The following TSHZ3 variants were observed in gnomAD, a reference collection of about 807,000 sequenced individuals.
The protein encoded by TSHZ3 is teashirt homolog 3.
A neutral mutation model predicts 64.5 loss-of-function variants in TSHZ3; 10 were observed. The ratio of observed to expected loss-of-function variants is 0.16; its 90% CI spans 0.10 to 0.26. The LOEUF is 0.26. TSHZ3 is among the 10% of genes least tolerant of loss of function. The pLI is 1.00. For synonymous variants in TSHZ3, 608 were observed against 593.1 expected, an observed-to-expected ratio of 1.03 and a Z score of -0.36; for missense variants, 1,242 against 1,421.7, an observed-to-expected ratio of 0.87 and a Z score of 2.03.
At chr19:31,184,718 T>C (rs1364169347) in intron 5 of TSHZ3, among the ~76,000 whole-genome samples, 1 of 152,170 alleles carries the variant, frequency 6.6e-6, no homozygotes, top group Non-Finnish European at 1.5e-5. Flanking sequence ...CTGATTAGAT[T>C]AGAGGTATTT....
intron 5 of TSHZ3, among the ~76,000 whole-genome samples, chr19:31,168,932 C>T (rs971703697): frequency 2.6e-4 from 40 of 152,236 alleles, no homozygotes; most frequent in African/African-American, 9.6e-4. Flanking sequence ...CCATGCAAGT[C>T]TCCACTATTT....
intron 4 of TSHZ3, among the ~76,000 whole-genome samples, chr19:31,208,190 G>A (rs1404225611): frequency 2.0e-5 from 3 of 152,206 alleles, no homozygotes; most frequent in Non-Finnish European, 4.4e-5. Context: ...AGGAGGATAT[G>A]AATTGGTTTA....
chr19:31,238,535 C>A (rs911868006), intron 3 of TSHZ3, among the ~76,000 whole-genome samples: 1 of 152,162 alleles, frequency 6.6e-6, no homozygotes. Context: ...GGATTACAGG[C>A]GTGAGCCATT....
Position 31,276,691 on chromosome 19 carries a change from C to T in TSHZ3, c.3102G>A (p.Glu1034=). 1 of 1,613,824 alleles carries T rather than the reference C, an allele frequency of 6.2e-7. No homozygotes were observed. Among genetic ancestry groups the T allele is most frequent in the Non-Finnish European group, 8.5e-7 (1 of 1,179,736 alleles). The change falls in exon 2 of 2, where the codon GAG becomes GAA. Residue 1034 remains glutamate (E), a synonymous_variant. Transcript: ENST00000240587. ...PSEKMVTSSP[E]EDLGTSYQCK... is the part of the protein sequence containing the mutation. ...ACTGATAGGAAGTCCCCAGGTCTTC[C>T]TCGGGGGAGGACGTCACCATTTTTT...
rs2145193152 is a variant in TSHZ3 at position 31,253,436 on chromosome 19, C to T, written n.64-10561G>A. ...AATGGCTGAACGCCCAAAGTTGCAT[C>T]TCAACTGTGTGCCCCTCCACAGGGG... On this transcript the variant is annotated intron_variant and non_coding_transcript_variant, in intron 1 of 6. Transcript: ENST00000651361. Among the ~76,000 whole-genome samples, 2 of 152,280 alleles carry T rather than the reference C, an allele frequency of 1.3e-5. 1 individual carries two copies. The highest frequency in any genetic ancestry group is 3.9e-4 in the East Asian group (2 of 5,180).
At chr19:31,272,173 C>T (rs1224113862), downstream of TSHZ3, among the ~76,000 whole-genome samples, 4 of 152,204 alleles carry the variant, frequency 2.6e-5, no homozygotes, top group Admixed American at 2.6e-4. Context: ...TCCTGTCTCT[C>T]TGCCACTCAC....
At chr19:31,349,447 G>T, upstream of TSHZ3, 1 of 396,776 alleles carries the variant, frequency 2.5e-6, no homozygotes, top group Non-Finnish European at 4.4e-6. Context: ...GAGGGCGGGC[G>T]AGGGAGGCTC....
Position 31,279,556 on chromosome 19 carries a change from ACTGATG to A in TSHZ3, c.231_236del (p.Ile78_Ser79del). On this transcript the variant is annotated inframe_deletion, in exon 2 of 2. Coordinates refer to ENST00000240587, the MANE Select transcript of TSHZ3 (RefSeq NM_020856.4). This position sits in a 1 kb window ranked among gnomAD's most constrained non-coding sequence, Gnocchi z 6.4. ...AGTCAGCCATTCGGTCACTGGTCTC[ACTGATG>A]TGTGACTCGCTGTCCATTTCATGGC... 6.2e-7 allele frequency: 1 copy of A among 1,610,048 alleles called. No homozygotes were observed. The highest frequency in any genetic ancestry group is 8.5e-7 in the Non-Finnish European group (1 of 1,177,144).
At chr19:31,243,572 G>A (rs758761001) in intron 1 of TSHZ3, among the ~76,000 whole-genome samples, 6 of 152,110 alleles carry the variant, frequency 3.9e-5, no homozygotes, top group Admixed American at 6.6e-5. Context: ...AGTGGTGACC[G>A]CCCTGCCGCC....
At position 31,349,338 on chromosome 19, in the gene TSHZ3, C is replaced by T; in HGVS notation, c.-119G>A. 1.1e-6 allele frequency: 1 copy of T among 948,688 alleles called. No homozygotes were observed. The highest frequency in any genetic ancestry group is 1.8e-5 in the African/African-American group (1 of 56,994). The allele number at this position is 948,688 out of a possible 1,614,324, so 58.8% of individuals were successfully genotyped here. A position where few individuals can be genotyped will look rare whatever the true frequency, so the allele number is the denominator to read the frequency against. On this transcript the variant is annotated 5_prime_UTR_variant, in exon 1 of 2. Transcript: ENST00000240587. ...GCGGGCCTGCTCTCAGCCTCCCCCC[C>T]GGAGAGCGGCCGCCCGCAGGATGCT...
chr19:31,176,223 C>A (rs971422625), intron 5 of TSHZ3, among the ~76,000 whole-genome samples: 1 of 152,042 alleles, frequency 6.6e-6, no homozygotes, highest in African/African-American at 2.4e-5. Flanking sequence ...GACCCACCAG[C>A]AGAAGTCCTG....
At chr19:31,274,652 G>A (rs531710432), downstream of TSHZ3, among the ~76,000 whole-genome samples, 98 of 152,044 alleles carry the variant, frequency 6.4e-4, no homozygotes, top group African/African-American at 2.3e-3. Flanking sequence ...GATCCTGGGG[G>A]TCTGGCAATA....
chr19:31,342,543 T>C (rs562944198), intron 1 of TSHZ3, among the ~76,000 whole-genome samples: 1 of 152,346 alleles, frequency 6.6e-6, no homozygotes, highest in Non-Finnish European at 1.5e-5. Context: ...TCATTAATAT[T>C]AATTTAAATT....
In TSHZ3 at chr19:31,292,765, T is replaced by C. The variant is rs200969891; in HGVS notation, c.41-13013A>G. ...ATCCATCCATCCATCCATCCATCCATCCACCCACCCATTCATCCATCCAAA... is the reference window on the plus strand; with the variant it reads ...ATCCATCCATCCATCCATCCATCCACCCACCCACCCATTCATCCATCCAAA... On this transcript the variant is annotated intron_variant, in intron 1 of 1. Transcript: ENST00000240587. Among the ~76,000 whole-genome samples, 248 of 119,780 alleles carry C rather than the reference T, an allele frequency of 2.1e-3. 2 individuals are homozygous for C. The highest frequency in any genetic ancestry group is 9.1e-3 in the African/African-American group (231 of 25,296). The allele number at this position is 119,780 out of a possible 152,430, so 78.6% of individuals were successfully genotyped here.
chr19:31,189,300 T>C (rs1335327206), intron 5 of TSHZ3, among the ~76,000 whole-genome samples: 1 of 152,024 alleles, frequency 6.6e-6, no homozygotes, highest in East Asian at 1.9e-4. Flanking sequence ...TTTTATTTAC[T>C]TAGTTTTTTT....
At chr19:31,302,638 C>G (rs1335265920) in intron 1 of TSHZ3, among the ~76,000 whole-genome samples, 1 of 152,190 alleles carries the variant, frequency 6.6e-6, no homozygotes, top group African/African-American at 2.4e-5. Flanking sequence ...CCTTAAAATA[C>G]TTAAAAACTA....
At chr19:31,169,777 C>T (rs1230132024) in intron 5 of TSHZ3, among the ~76,000 whole-genome samples, 2 of 152,116 alleles carry the variant, frequency 1.3e-5, no homozygotes, top group Non-Finnish European at 2.9e-5. Context: ...GTCCTTTGAG[C>T]GATGTGCAAA....
chr19:31,217,102 G>A lies in TSHZ3; in HGVS notation n.686+10903C>T, dbSNP rs374435149. On this transcript the variant is annotated intron_variant and non_coding_transcript_variant, in intron 4 of 6. Coordinates refer to the TSHZ3 transcript ENST00000651361. ...GCATTAACCACCGCACCCCGCCCAG[G>A]AGGCAGCTTTTGAATGGAGACATGA... is the stretch of plus-strand genomic sequence containing the variant. Among the ~76,000 whole-genome samples, 11 of 152,278 alleles carry A rather than the reference G, an allele frequency of 7.2e-5. 1 individual carries two copies. The highest frequency in any genetic ancestry group is 2.6e-4 in the African/African-American group (11 of 41,576).
chr19:31,278,250 T>C lies in TSHZ3; in HGVS notation c.1543A>G (p.Ser515Gly). ...HYLTENDLEE[S>G]PKGGLDILKS... is the part of the protein sequence containing the mutation. ...AGGATATCAAGCCCCCCCTTGGGAC[T>C]CTCTTCTAAGTCATTTTCAGTCAAG... The change falls in exon 2 of 2, where the codon AGT becomes GGT. Residue 515 changes from serine (S) to glycine (G), a missense_variant. Physicochemically the swap from Ser to Gly is moderately conservative, Grantham distance 56 (BLOSUM62 0). Coordinates refer to ENST00000240587, the MANE Select transcript of TSHZ3 (RefSeq NM_020856.4). The surrounding 1 kb of genome is among the most constrained non-coding windows in gnomAD (Gnocchi z 4.7). 1.2e-6 allele frequency: 2 copies of C among 1,614,218 alleles called. No individual in the cohort carries two copies. Among genetic ancestry groups the C allele is most frequent in the South Asian group, 2.2e-5 (2 of 91,088 alleles).
Sources: gnomAD v4.1 joint callset for allele counts (sites outside exome capture counted in the v4.1 genomes callset) on GRCh38, gnomAD v4.1.1 for gene constraint, Gnocchi (gnomAD v3.1) non-coding constraint, MANE v1.5 for transcripts, NCBI Gene and HGNC (gene_info 2026-07-23, HGNC 2026-07-21) for gene names.